POC5: variants seen among roughly 807,000 people sequenced by gnomAD.
The protein encoded by POC5 is centrosomal protein POC5.
POC5 carries 48 observed loss-of-function variants against 62.9 expected under a neutral mutation model. The observed-to-expected ratio is 0.76, with a 90% CI of 0.61 to 0.97. The LOEUF is 0.97. Among genes scored for constraint, POC5 ranks in the 50% least tolerant of loss-of-function variants. The pLI, the probability that POC5 is intolerant of heterozygous loss-of-function variation, is 0.00. For missense variants in POC5, 696 were observed against 679.5 expected, an observed-to-expected ratio of 1.02 and a Z score of -0.27; for synonymous variants, 236 against 228.2, an observed-to-expected ratio of 1.03 and a Z score of -0.31.
At chr5:75,684,730 C>G in intron 10 of POC5, among the ~76,000 whole-genome samples, 1 of 152,060 alleles carries the variant, frequency 6.6e-6, no homozygotes, top group Non-Finnish European at 1.5e-5. Flanking sequence ...ACAGCACTTT[C>G]AGGTATTTTC....
intron 11 of POC5, among the ~76,000 whole-genome samples, chr5:75,675,337 T>C (rs1393401231): frequency 6.6e-6 from 1 of 152,222 alleles, no homozygotes; most frequent in African/African-American, 2.4e-5. Context: ...AGCAGTGGGA[T>C]TTGTTATCAA....
At chr5:75,699,949 G>A (rs1776794931) in intron 5 of POC5, among the ~76,000 whole-genome samples, 1 of 151,970 alleles carries the variant, frequency 6.6e-6, no homozygotes, top group Non-Finnish European at 1.5e-5. Flanking sequence ...GCCAAATCAT[G>A]AGTGAACTCC....
chr5:75,674,612 C>T, intron 11 of POC5, 34 bp from the exon 12 acceptor site: 5 of 1,602,698 alleles, frequency 3.1e-6, no homozygotes, highest in Non-Finnish European at 3.4e-6. Context: ...AATAATATCC[C>T]AAGATTATGT....
At position 75,689,140 on chromosome 5, in the gene POC5, T is replaced by G. The variant is rs752092609; in HGVS notation, c.1001A>C (p.Lys334Thr). The G allele has an allele frequency of 5.8e-6, 9 of 1,563,006 alleles. No homozygotes were observed. The Admixed American group carries it at 1.5e-4, about 27-fold the overall frequency. The change falls in exon 9 of 12, where the codon AAA becomes ACA. Residue 334 changes from lysine to threonine, a missense_variant. Coordinates refer to ENST00000428202, the MANE Select transcript of POC5 (RefSeq NM_001099271.2). The part of the protein sequence containing the change: ...AMLSGALENA[K>T]AEIQRMQHEK... ...ATGTTGCATTCTTTGAATCTCAGCT[T>G]TTGCATTTTCCAAAGCTCCAGATAA...
chr5:75,682,527 T>TTC (rs1554071981), intron 10 of POC5, among the ~76,000 whole-genome samples: 1 of 150,130 alleles, frequency 6.7e-6, no homozygotes, highest in Non-Finnish European at 1.5e-5. Context: ...CTTTTTTTTT[T>TTC]TTTTTTGAGA....
chr5:75,694,667 C>T lies in POC5; in HGVS notation c.678G>A (p.Gly226=), dbSNP rs371544557. 2.6e-6 allele frequency: 4 copies of T among 1,549,592 alleles called. No homozygotes were observed. The highest frequency in any genetic ancestry group is 2.6e-6 in the Non-Finnish European group (3 of 1,152,016). ...ELQKTFEISI[G]RKDEVISSLS... is the part of the protein sequence containing the mutation. ...TAAAAAAGAAGACCTCATCTTTTCT[C>T]CCAATGGAGATTTCAAAGGTTTTTT... The change falls in exon 6 of 12, where the codon GGG becomes GGA. Residue 226 remains glycine (G), a synonymous_variant. Transcript: ENST00000428202.
rs758477218 is a variant in POC5 at position 75,690,536 on chromosome 5, C to T, written c.822G>A (p.Gln274=). Residue 274 remains glutamine (Q), a synonymous_variant, in exon 8 of 12, where the codon CAG becomes CAA. Coordinates refer to ENST00000428202, the MANE Select transcript of POC5 (RefSeq NM_001099271.2). ...QDVYEGKLAD[Q]YYQRTLLKKV... ...TCTTCAGTAAAGTTCTCTGGTAGTA[C>T]TGGTCAGCTAGTTTACCTTCATAAA... 1.3e-6 allele frequency: 2 copies of T among 1,591,060 alleles called. No individual in the cohort carries two copies. The highest frequency in any genetic ancestry group is 1.1e-5 in the South Asian group (1 of 87,302).
At position 75,685,371 on chromosome 5, in the gene POC5, G is replaced by C. The variant is rs1272489041; in HGVS notation, c.1243C>G (p.Pro415Ala). ...GCGGCTGGTGGGGATGGCAGCAGTG[G>C]TGATGTAACTGGTAAGGGCATCGGA... ...APPMPLPVTS[P>A]LLPSPPAAVG... The change falls in exon 10 of 12, where the codon CCA becomes GCA. Residue 415 changes from proline (P) to alanine (A), a missense_variant. By Grantham distance (27) the Pro-to-Ala change is conservative (BLOSUM62 -1). Coordinates refer to ENST00000428202, the MANE Select transcript of POC5 (RefSeq NM_001099271.2). 2 of 1,614,038 alleles carry C rather than the reference G, an allele frequency of 1.2e-6. No homozygotes were observed. The highest frequency in any genetic ancestry group is 2.2e-5 in the South Asian group (2 of 91,086).
At chr5:75,682,921 A>G (rs1340291888) in intron 10 of POC5, among the ~76,000 whole-genome samples, 1 of 152,228 alleles carries the variant, frequency 6.6e-6, no homozygotes, top group Non-Finnish European at 1.5e-5. Flanking sequence ...ACTGATCTCA[A>G]TGTATTTTCT....
chr5:75,684,655 G>A (rs374950605), intron 10 of POC5, among the ~76,000 whole-genome samples: 1 of 151,970 alleles, frequency 6.6e-6, no homozygotes, highest in African/African-American at 2.4e-5. Flanking sequence ...GAGCCACCGC[G>A]CCCGGCTCCT....
intron 6 of POC5, 139 bp from the exon 7 acceptor site, chr5:75,692,639 C>T (rs990901720): frequency 5.3e-5 from 23 of 430,926 alleles, no homozygotes; most frequent in African/African-American, 4.7e-4. Context: ...TCATTATTAT[C>T]TTTAAAAAGA....
chr5:75,702,800 T>C lies in POC5; in HGVS notation c.318A>G (p.Pro106=). The change falls in exon 5 of 12, where the codon CCA becomes CCG. Residue 106 remains proline, a synonymous_variant. Coordinates refer to ENST00000428202, the MANE Select transcript of POC5 (RefSeq NM_001099271.2). ...SSHSKTDESS[P]VLSPRKPSHP... The stretch of plus-strand genomic sequence containing the variant: ...GAGAAGGCTTCCTTGGCGATAACAC[T>C]GGTGATGACTCTGAATAAAAGAAAA... 6.4e-7 allele frequency: 1 copy of C among 1,571,654 alleles called. No homozygotes were observed. The highest frequency in any genetic ancestry group is 8.6e-7 in the Non-Finnish European group (1 of 1,156,458).
chr5:75,683,610 C>T (rs1775955652), intron 10 of POC5, among the ~76,000 whole-genome samples: 1 of 151,852 alleles, frequency 6.6e-6, no homozygotes, highest in Admixed American at 6.6e-5. Flanking sequence ...CTGTACTCCA[C>T]CCTTACTTGA....
chr5:75,689,103 G>A lies in POC5; in HGVS notation c.1038C>T (p.His346=), dbSNP rs1414422094. The A allele has an allele frequency of 1.3e-6, 2 of 1,595,498 alleles. No individual in the cohort carries two copies. The highest frequency in any genetic ancestry group is 3.5e-5 in the Admixed American group (2 of 57,670). ...EIQRMQHEKE[H]FEDSMKKAFM... Reference sequence around the variant, plus strand: ...AAGCTTTTTTCATGGAATCTTCAAAGTGCTCTTTTTCATGTTGCATTCTTT... The same window carrying A: ...AAGCTTTTTTCATGGAATCTTCAAAATGCTCTTTTTCATGTTGCATTCTTT... The change falls in exon 9 of 12, where the codon CAC becomes CAT. Residue 346 remains histidine, a synonymous_variant. Coordinates refer to ENST00000428202, the MANE Select transcript of POC5 (RefSeq NM_001099271.2).
At chr5:75,693,014 TTATATA>T (rs202189872) in intron 6 of POC5, among the ~76,000 whole-genome samples, 7,385 of 148,272 alleles carry the variant, frequency 0.05, 623 homozygotes, top group African/African-American at 0.17. Flanking sequence ...TATGTTATAG[TTATATA>T]TATAACTATA....
intron 6 of POC5, among the ~76,000 whole-genome samples, chr5:75,694,343 T>A (rs1580023043): frequency 6.6e-6 from 1 of 152,300 alleles, no homozygotes; most frequent in East Asian, 1.9e-4. Flanking sequence ...CATACTCTTT[T>A]TAAAAAAAAA....
Position 75,685,457 on chromosome 5 carries a change from T to G in POC5, c.1157A>C (p.Glu386Ala). The part of the protein sequence containing the change: ...AGIDSTNNKK[E>A]EYGPGVQGKE... ...TCCTTGAACACCAGGACCATACTCT[T>G]CCTTTTTATTATTTGTGGAGTCTAT... The change falls in exon 10 of 12, where the codon GAA (glutamate) becomes GCA (alanine). Residue 386 changes from glutamate to alanine, a missense_variant. By Grantham distance (107) the Glu-to-Ala change is moderately radical. Coordinates refer to ENST00000428202, the MANE Select transcript of POC5 (RefSeq NM_001099271.2). The G allele has an allele frequency of 9.9e-6, 16 of 1,611,728 alleles. No individual in the cohort carries two copies. The highest frequency in any genetic ancestry group is 1.4e-5 in the Non-Finnish European group (16 of 1,178,044).
chr5:75,694,587 T>G, intron 6 of POC5, 68 bp downstream of exon 6: 1 of 1,239,286 alleles, frequency 8.1e-7, no homozygotes. Context: ...AATAATCATT[T>G]CTTAGAATTT....
intron 11 of POC5, 152 bp downstream of exon 11, chr5:75,677,621 TA>T (rs58777768): frequency 0.27 from 104,551 of 389,020 alleles, 8,279 homozygotes; most frequent in East Asian, 0.45. Context: ...GTATATATAT[TA>T]AAAAAAAAAA....
Sources: allele counts gnomAD v4.1 joint callset (sites outside exome capture counted in the v4.1 genomes callset), GRCh38; gene constraint gnomAD v4.1.1; transcripts MANE v1.5; gene names NCBI Gene and HGNC (gene_info 2026-07-23, HGNC 2026-07-21).